The following TENM4 variants were observed in gnomAD, a reference collection of about 807,000 sequenced individuals.
TENM4 encodes the protein teneurin-4.
Under a neutral mutation model 243.3 loss-of-function variants are expected in TENM4, and 82 were observed. The observed-to-expected ratio is 0.34, with a 90% CI of 0.28 to 0.40. The LOEUF (loss-of-function observed/expected upper bound fraction) is 0.40. TENM4 is among the 10% of genes least tolerant of loss of function. The probability of loss-of-function intolerance (pLI) is 1.00; values close to 1 mark genes in which losing one functional copy is unlikely to be tolerated. For synonymous variants in TENM4, 1,412 were observed against 1,456.3 expected (o/e 0.97, Z 0.69); for missense variants, 3,138 against 3,673.3 (o/e 0.85, Z 3.77).
At chr11:79,305,127 T>C (rs926724180) in intron 1 of TENM4, among the ~76,000 whole-genome samples, 1 of 152,172 alleles carries the variant, frequency 6.6e-6, no homozygotes, top group African/African-American at 2.4e-5. Flanking sequence ...CAGATTACAA[T>C]TGGTGGCTGG....
At chr11:78,754,587 A>G (rs1418188032) in intron 19 of TENM4, among the ~76,000 whole-genome samples, 1 of 152,218 alleles carries the variant, frequency 6.6e-6, no homozygotes, top group Non-Finnish European at 1.5e-5. Flanking sequence ...TTTCCTTGGT[A>G]GGAATATTAG....
At chr11:78,737,648 T>A (rs544989407) in intron 20 of TENM4, among the ~76,000 whole-genome samples, 22 of 152,322 alleles carry the variant, frequency 1.4e-4, no homozygotes, top group Non-Finnish European at 3.1e-4. Context: ...GCCTAAATAT[T>A]CCACTTTCCT....
intron 6 of TENM4, among the ~76,000 whole-genome samples, chr11:79,015,180 C>G (rs552323776): frequency 9.8e-5 from 15 of 152,316 alleles, no homozygotes; most frequent in African/African-American, 3.6e-4. Flanking sequence ...ACATGGAATC[C>G]TCACAACAAC....
intron 1 of TENM4, among the ~76,000 whole-genome samples, chr11:79,393,926 G>A (rs1225658847): frequency 6.6e-6 from 1 of 152,144 alleles, no homozygotes; most frequent in Non-Finnish European, 1.5e-5. Flanking sequence ...GTAAGAACAG[G>A]CCTGGAGGAA....
At chr11:79,187,035 C>T (rs910666361) in intron 3 of TENM4, among the ~76,000 whole-genome samples, 1 of 152,180 alleles carries the variant, frequency 6.6e-6, no homozygotes, top group Admixed American at 6.5e-5. Context: ...TTTGGACATC[C>T]TCCTTAGCCC....
At chr11:79,001,529 AG>A (rs1362894631) in intron 6 of TENM4, among the ~76,000 whole-genome samples, 1 of 152,058 alleles carries the variant, frequency 6.6e-6, no homozygotes, top group Non-Finnish European at 1.5e-5. Context: ...ATGCTTATAG[AG>A]GTTGTAGGAG....
At chr11:78,889,704 C>A in intron 9 of TENM4, 81 bp downstream of exon 9, 1 of 1,418,010 alleles carries the variant, frequency 7.1e-7, no homozygotes, top group Admixed American at 2.0e-5. Flanking sequence ...TAGTAAGGAG[C>A]CTTCAGTGCC....
rs954058485 is a variant in TENM4 at position 78,805,153 on chromosome 11, G to A, written c.2179+139C>T. The A allele has an allele frequency of 1.8e-5, 11 of 602,076 alleles. No homozygotes were observed. The South Asian group carries it at 1.9e-4, about 11-fold the overall frequency. The allele number at this position is 602,076 out of a possible 1,614,324, so 37.3% of individuals were successfully genotyped here. ...CTAAGAGTAGAGGTGTTGAAGGCTA[G>A]AGTTCAGAGAAAGAGGAAAAGCACT... is the stretch of plus-strand genomic sequence containing the variant. On this transcript the variant is annotated intron_variant, in intron 15 of 33. Coordinates refer to ENST00000278550, the MANE Select transcript of TENM4 (RefSeq NM_001098816.3).
chr11:79,377,012 G>A (rs928090137), intron 1 of TENM4, among the ~76,000 whole-genome samples: 3 of 152,288 alleles, frequency 2.0e-5, no homozygotes, highest in South Asian at 2.1e-4. Context: ...TCCTGGATTC[G>A]CTGGTTGGAG....
intron 29 of TENM4, among the ~76,000 whole-genome samples, chr11:78,685,362 G>T (rs1858640188): frequency 6.6e-6 from 1 of 152,292 alleles, no homozygotes; most frequent in South Asian, 2.1e-4. Flanking sequence ...TTTTCACAGA[G>T]ACTCTAGTGA....
intron 1 of TENM4, among the ~76,000 whole-genome samples, chr11:79,389,534 C>G (rs569590468): frequency 1.3e-5 from 2 of 152,366 alleles, no homozygotes; most frequent in East Asian, 3.9e-4. Context: ...GTGATTCCAG[C>G]ATGCAGCCAA....
intron 6 of TENM4, among the ~76,000 whole-genome samples, chr11:78,943,157 A>C (rs1212039123): frequency 2.0e-5 from 3 of 152,220 alleles, no homozygotes; most frequent in Admixed American, 2.0e-4. Context: ...AGACGTGCTG[A>C]GTTTGCTCAG....
intron 1 of TENM4, among the ~76,000 whole-genome samples, chr11:79,336,190 T>C (rs1407326377): frequency 2.0e-5 from 3 of 152,184 alleles, no homozygotes; most frequent in African/African-American, 7.2e-5. Flanking sequence ...AAGAGTGTCT[T>C]GAGGGGTGGG....
At chr11:78,907,734 GAAC>G (rs1856094655) in intron 6 of TENM4, among the ~76,000 whole-genome samples, 1 of 152,200 alleles carries the variant, frequency 6.6e-6, no homozygotes, top group Non-Finnish European at 1.5e-5. Context: ...GTCGGGGAAA[GAAC>G]AACAACTCAG....
intron 1 of TENM4, among the ~76,000 whole-genome samples, chr11:79,310,782 G>T (rs975678736): frequency 6.6e-6 from 1 of 152,128 alleles, no homozygotes; most frequent in Admixed American, 6.5e-5. Context: ...ACTGACACAG[G>T]TCTGGGGCTT....
chr11:79,086,711 G>A lies in TENM4; in HGVS notation c.-65-16702C>T, dbSNP rs145205273. ...TAGCTGGGTGTGGTGGCTTATGCCT[G>A]TAGTCCCAGCTGCTTGGGAAGCTGA... On this transcript the variant is annotated intron_variant, in intron 4 of 33. Coordinates refer to ENST00000278550, the MANE Select transcript of TENM4 (RefSeq NM_001098816.3). 4.4e-3 allele frequency among the ~76,000 whole-genome samples: 661 copies of A among 151,862 alleles called. 6 individuals are homozygous for A. Among genetic ancestry groups the A allele is most frequent in the African/African-American group, 0.015 (637 of 41,388 alleles).
intron 15 of TENM4, among the ~76,000 whole-genome samples, chr11:78,798,859 G>T (rs1312683300): frequency 6.6e-6 from 1 of 151,958 alleles, no homozygotes; most frequent in Non-Finnish European, 1.5e-5. Flanking sequence ...CCCATTACTG[G>T]CCAAGTTCAC....
chr11:78,877,592 G>C (rs1262768366), intron 9 of TENM4, among the ~76,000 whole-genome samples: 1 of 152,214 alleles, frequency 6.6e-6, no homozygotes, highest in Non-Finnish European at 1.5e-5. Flanking sequence ...CAGAGATGCA[G>C]TTGGGGGTCC....
At chr11:79,248,866 T>A (rs574146705) in intron 2 of TENM4, among the ~76,000 whole-genome samples, 21 of 152,210 alleles carry the variant, frequency 1.4e-4, no homozygotes, top group Non-Finnish European at 4.4e-5. Flanking sequence ...CCATTCCTTG[T>A]AATGTGTTAC....
Sources: gnomAD v4.1 joint callset for allele counts (sites outside exome capture counted in the v4.1 genomes callset) on GRCh38, gnomAD v4.1.1 for gene constraint, MANE v1.5 for transcripts, NCBI Gene and HGNC (gene_info 2026-07-23, HGNC 2026-07-21) for gene names.